ANKRD60: variants seen among roughly 807,000 people sequenced by gnomAD.
ANKRD60 encodes the protein ankyrin repeat domain 60.
Under a neutral mutation model 21.3 loss-of-function variants are expected in ANKRD60, and 24 were observed. That is an observed-to-expected ratio of 1.13 (90% CI 0.82 to 1.59). ANKRD60 has a LOEUF of 1.59. Among genes scored for constraint, ANKRD60 ranks in the 40% most tolerant of loss-of-function variants. The probability of loss-of-function intolerance (pLI) is 0.00; values close to 1 mark genes in which losing one functional copy is unlikely to be tolerated. For synonymous variants in ANKRD60, 182 were observed against 199.4 expected, an observed-to-expected ratio of 0.91 and a Z score of 0.74; for missense variants, 490 against 466.7, an observed-to-expected ratio of 1.05 and a Z score of -0.46.
chr20:58,218,957 G>A (rs1387729641), intron 3 of ANKRD60, among the ~76,000 whole-genome samples, 152 bp from the exon 4 acceptor site: 1 of 152,150 alleles, frequency 6.6e-6, no homozygotes, highest in African/African-American at 2.4e-5. Flanking sequence ...CCTGGCAGCA[G>A]CCAGTGATCT....
chr20:58,218,115 A>G (rs1322754070), downstream of ANKRD60, among the ~76,000 whole-genome samples: 1 of 152,214 alleles, frequency 6.6e-6, no homozygotes, highest in Non-Finnish European at 1.5e-5. Context: ...CACTTGTTTT[A>G]TACAATAACA....
downstream of ANKRD60, chr20:58,218,373 C>T (rs957762637): frequency 1.7e-5 from 16 of 936,292 alleles, no homozygotes; most frequent in Middle Eastern, 3.3e-4. Flanking sequence ...CAGATAATTT[C>T]GTATCTGATT....
chr20:58,221,200 G>A (rs896057264), intron 3 of ANKRD60, 138 bp downstream of exon 3: 7 of 924,110 alleles, frequency 7.6e-6, no homozygotes, highest in Non-Finnish European at 1.1e-5. Flanking sequence ...GTGGCACCAT[G>A]GGGACCCTGA....
chr20:58,221,541 G>C, intron 2 of ANKRD60, 38 bp from the exon 3 acceptor site: 1 of 1,545,082 alleles, frequency 6.5e-7, no homozygotes, highest in South Asian at 1.2e-5. Context: ...ATTCTCAAAA[G>C]CGTGGCTACA....
chr20:58,219,250 A>C (rs1050513324), intron 3 of ANKRD60, among the ~76,000 whole-genome samples: 4 of 152,114 alleles, frequency 2.6e-5, no homozygotes, highest in East Asian at 1.9e-4. Flanking sequence ...ACCTTTCTTT[A>C]GGTTTCATTT....
chr20:58,218,442 A>G (rs1306701903), downstream of ANKRD60: 57 of 1,507,078 alleles, frequency 3.8e-5, no homozygotes, highest in Non-Finnish European at 4.8e-5. Context: ...ATGGGATTGA[A>G]CTCTGCAAAG....
Position 58,219,840 on chromosome 20 carries a change from T to C in ANKRD60, c.728-1035A>G, listed in dbSNP as rs535975282. Among the ~76,000 whole-genome samples the C allele has an allele frequency of 3.3e-5, 5 of 152,302 alleles. 1 individual carries two copies. Among genetic ancestry groups the C allele is most frequent in the African/African-American group, 1.2e-4 (5 of 41,564 alleles). ...TAATTTTTTAACTGGTGCCTTCAAA[T>C]ACATCACAGTTCTATCAGAGCAAAA... On this transcript the variant is annotated intron_variant, in intron 3 of 3. Transcript: ENST00000457363.
chr20:58,219,060 C>T (rs1034651599), intron 3 of ANKRD60, among the ~76,000 whole-genome samples: 3 of 152,138 alleles, frequency 2.0e-5, no homozygotes, highest in Admixed American at 6.5e-5. Context: ...CGCTCACTCT[C>T]ACCCTACCTT....
In ANKRD60 at chr20:58,226,842, G is replaced by A. The variant is rs534391854; in HGVS notation, c.430+1382C>T. Reference sequence around the variant, plus strand: ...ATTTTGGGGTCCATATGTGGGCAGGGTTCATTTTGGGCTCTGTCATCCTTA... The same window carrying A: ...ATTTTGGGGTCCATATGTGGGCAGGATTCATTTTGGGCTCTGTCATCCTTA... On this transcript the variant is annotated intron_variant, in intron 1 of 3. Transcript: ENST00000457363. Among the ~76,000 whole-genome samples the A allele has an allele frequency of 2.0e-5, 3 of 152,246 alleles. No individual in the cohort carries two copies. In the South Asian group the frequency reaches 6.2e-4, roughly 32 times the overall value.
Position 58,228,491 on chromosome 20 carries a change from A to G in ANKRD60, c.163T>C (p.Ser55Pro), listed in dbSNP as rs1668003274. The G allele has an allele frequency of 1.4e-6, 2 of 1,481,266 alleles. No homozygotes were observed. Among genetic ancestry groups the G allele is most frequent in the East Asian group, 2.7e-5 (1 of 37,470 alleles). 91.8% of individuals were successfully genotyped at this position (1,481,266 alleles called of 1,614,324 possible). A position where few individuals can be genotyped will look rare whatever the true frequency, so the allele number is the denominator to read the frequency against. Residue 55 changes from serine (S) to proline (P), a missense_variant, in exon 1 of 4, where the codon TCG becomes CCG. Transcript: ENST00000457363. The surrounding 1 kb of genome is among the most constrained non-coding windows in gnomAD (Gnocchi z 5.3). ...GCGGGGAGGGCCCGCGAGTCCGCCG[A>G]GCCCACCCTGGGCCCGCCGCACCCC...
intron 2 of ANKRD60, among the ~76,000 whole-genome samples, chr20:58,222,151 A>C (rs1048889517): frequency 6.6e-6 from 1 of 152,206 alleles, no homozygotes; most frequent in African/African-American, 2.4e-5. Context: ...TGACCCCTGC[A>C]GCCAGAGTAA....
chr20:58,226,705 T>A lies in ANKRD60; in HGVS notation c.430+1519A>T, dbSNP rs149835896. ...CTTTGGGGTCCTGCTGTGGACAGAG[T>A]TTGCTTCATTCTTTGGAGCCCTTAT... On this transcript the variant is annotated intron_variant, in intron 1 of 3. Coordinates refer to ENST00000457363, the Ensembl canonical transcript of ANKRD60. Among the ~76,000 whole-genome samples the A allele has an allele frequency of 1.5e-4, 23 of 152,100 alleles. No individual in the cohort carries two copies. The East Asian group carries it at 4.3e-3, about 28-fold the overall frequency.
intron 2 of ANKRD60, 34 bp downstream of exon 2, chr20:58,223,018 C>T (rs372271078): frequency 4.2e-5 from 64 of 1,522,604 alleles, no homozygotes; most frequent in Non-Finnish European, 4.9e-5. Flanking sequence ...TGCTTCGTAA[C>T]GTATAATATC....
At chr20:58,226,619 A>G (rs1458641969) in intron 1 of ANKRD60, among the ~76,000 whole-genome samples, 1 of 152,082 alleles carries the variant, frequency 6.6e-6, no homozygotes, top group Non-Finnish European at 1.5e-5. Context: ...TCAACCTTGG[A>G]GTGCTGATGT....
exon 2 of ANKRD60, chr20:58,223,176 A>C (rs925147246): frequency 1.3e-6 from 2 of 1,543,414 alleles, no homozygotes; most frequent in Non-Finnish European, 1.7e-6. Context: ...GTCATCCATC[A>C]AAACTCCTGC....
At chr20:58,221,461 C>A (rs760851192) in exon 3 of ANKRD60, 1 of 1,551,852 alleles carries the variant, frequency 6.4e-7, no homozygotes, top group Non-Finnish European at 8.7e-7. Flanking sequence ...TCTGAATTTG[C>A]GGTTCGGTAG....
chr20:58,228,354 C>T lies in ANKRD60; in HGVS notation c.300G>A (p.Leu100=). ...CTCGGAACATCTCCCCCGTCTCCTC[C>T]AGCCGCACCCGCAGGACGAAGACGT... Residue 100 remains leucine, a synonymous_variant, in exon 1 of 4, where the codon CTG becomes CTA. Transcript: ENST00000457363. The surrounding 1 kb of genome is among the most constrained non-coding windows in gnomAD (Gnocchi z 5.3). 6.4e-7 allele frequency: 1 copy of T among 1,550,742 alleles called. No individual in the cohort carries two copies.
exon 3 of ANKRD60, chr20:58,221,371 G>A: frequency 1.3e-6 from 2 of 1,551,972 alleles, no homozygotes; most frequent in Non-Finnish European, 1.7e-6. Flanking sequence ...GCATCAAAGT[G>A]GCCTCTGTGT....
At chr20:58,220,826 A>G (rs943605393) in intron 3 of ANKRD60, among the ~76,000 whole-genome samples, 1 of 151,870 alleles carries the variant, frequency 6.6e-6, no homozygotes, top group Non-Finnish European at 1.5e-5. Flanking sequence ...ACGGGGTTTC[A>G]CCAGGCTGGT....
Sources: gnomAD v4.1 joint callset for allele counts (sites outside exome capture counted in the v4.1 genomes callset) on GRCh38, gnomAD v4.1.1 for gene constraint, Gnocchi (gnomAD v3.1) non-coding constraint, MANE v1.5 for transcripts, NCBI Gene and HGNC (gene_info 2026-07-23, HGNC 2026-07-21) for gene names.